CFAP299: variants seen among roughly 807,000 people sequenced by gnomAD.
The protein encoded by CFAP299 is cilia and flagella associated protein 299.
CFAP299 carries 21 observed loss-of-function variants against 27.0 expected under a neutral mutation model. The ratio of observed to expected loss-of-function variants is 0.78; its 90% confidence interval spans 0.55 to 1.12. CFAP299 has a LOEUF of 1.12. Ranked by LOEUF, CFAP299 falls within the 50% of genes most tolerant of loss-of-function variation. CFAP299 has a pLI of 0.00. For missense variants in CFAP299, 310 were observed against 276.6 expected (o/e 1.12, Z -0.86); for synonymous variants, 104 against 98.1 (o/e 1.06, Z -0.36).
intron 2 of CFAP299, among the ~76,000 whole-genome samples, chr4:80,491,031 T>C (rs1344699316): frequency 6.6e-6 from 1 of 151,800 alleles, no homozygotes. Context: ...TGAAAAAAAA[T>C]GAACATTTTA....
intron 2 of CFAP299, among the ~76,000 whole-genome samples, chr4:80,370,938 T>G (rs1466745311): frequency 6.6e-6 from 1 of 152,242 alleles, no homozygotes; most frequent in African/African-American, 2.4e-5. Context: ...TAACTCCACA[T>G]TTCCCTTCCT....
intron 3 of CFAP299, among the ~76,000 whole-genome samples, chr4:80,772,719 C>T (rs1422606628): frequency 7.9e-5 from 12 of 151,986 alleles, no homozygotes; most frequent in Admixed American, 7.2e-4. Context: ...CTCTTGCCCT[C>T]CGCCTCCCAA....
chr4:80,883,078 AT>A (rs1733790462), intron 4 of CFAP299, among the ~76,000 whole-genome samples: 3 of 151,722 alleles, frequency 2.0e-5, no homozygotes, highest in Non-Finnish European at 4.4e-5. Flanking sequence ...ATGCATAACA[AT>A]ATAACTACAA....
chr4:80,325,071 C>T, the CFAP299 span, among the ~76,000 whole-genome samples: 10 of 152,324 alleles, frequency 6.6e-5, no homozygotes, highest in Non-Finnish European at 1.3e-4. Flanking sequence ...TGCAGTGAGC[C>T]AAGATCATGG....
chr4:80,639,521 G>A (rs1294142097), intron 3 of CFAP299, among the ~76,000 whole-genome samples: 3 of 152,146 alleles, frequency 2.0e-5, no homozygotes. Flanking sequence ...GACAGTGACA[G>A]AAAATCATTA....
intron 3 of CFAP299, among the ~76,000 whole-genome samples, chr4:80,696,608 T>A (rs1371409307): frequency 6.6e-6 from 1 of 152,038 alleles, no homozygotes. Flanking sequence ...AACACATAAG[T>A]TTTTTAAAAA....
chr4:80,805,179 A>G (rs1454467050), intron 3 of CFAP299, among the ~76,000 whole-genome samples: 1 of 152,080 alleles, frequency 6.6e-6, no homozygotes, highest in Non-Finnish European at 1.5e-5. Flanking sequence ...ATAAATCAGG[A>G]AGAAATATTT....
chr4:80,405,537 T>C (rs1726371663), intron 2 of CFAP299, among the ~76,000 whole-genome samples: 2 of 152,168 alleles, frequency 1.3e-5, no homozygotes, highest in African/African-American at 4.8e-5. Context: ...ATAATGCTTA[T>C]GTTCTTTCAA....
chr4:80,508,189 T>C (rs1732125441), intron 2 of CFAP299, among the ~76,000 whole-genome samples: 1 of 152,230 alleles, frequency 6.6e-6, no homozygotes, highest in Non-Finnish European at 1.5e-5. Context: ...ATCTGCTATG[T>C]TTTTGATTTT....
intron 3 of CFAP299, among the ~76,000 whole-genome samples, chr4:80,740,248 T>C (rs1440554360): frequency 2.6e-5 from 4 of 152,174 alleles, no homozygotes; most frequent in Admixed American, 2.6e-4. Context: ...ATTGAAAAGT[T>C]AGGTATTTGT....
At chr4:80,842,458 T>C (rs1490838036) in intron 3 of CFAP299, among the ~76,000 whole-genome samples, 1 of 152,140 alleles carries the variant, frequency 6.6e-6, no homozygotes, top group African/African-American at 2.4e-5. Flanking sequence ...AGAAAATTAC[T>C]TAACGCCTCT....
At chr4:80,442,012 C>A (rs1322481445) in intron 2 of CFAP299, among the ~76,000 whole-genome samples, 1 of 152,052 alleles carries the variant, frequency 6.6e-6, no homozygotes, top group Non-Finnish European at 1.5e-5. Context: ...GCTAACTATC[C>A]TAAATATATA....
chr4:80,536,957 C>T (rs1035476483), intron 2 of CFAP299, among the ~76,000 whole-genome samples: 2 of 151,982 alleles, frequency 1.3e-5, no homozygotes, highest in African/African-American at 4.8e-5. Flanking sequence ...AACCATACAT[C>T]TGACAAAGGA....
chr4:80,738,255 G>A (rs2110061992), intron 3 of CFAP299, among the ~76,000 whole-genome samples: 1 of 152,238 alleles, frequency 6.6e-6, no homozygotes, highest in South Asian at 2.1e-4. Flanking sequence ...TTGTTCTATA[G>A]TAAAGATAGT....
intron 4 of CFAP299, among the ~76,000 whole-genome samples, chr4:80,894,580 A>G (rs960141165): frequency 6.6e-6 from 1 of 152,024 alleles, no homozygotes; most frequent in African/African-American, 2.4e-5. Flanking sequence ...CTTTTGTGCA[A>G]TATTGGTGGG....
At chr4:80,664,375 G>C (rs920114645) in intron 3 of CFAP299, among the ~76,000 whole-genome samples, 21 of 152,160 alleles carry the variant, frequency 1.4e-4, no homozygotes, top group African/African-American at 4.1e-4. Flanking sequence ...CTCTCAGGGA[G>C]AGAGGATCTT....
intron 3 of CFAP299, among the ~76,000 whole-genome samples, chr4:80,656,384 G>A (rs1306420918): frequency 6.6e-6 from 1 of 151,642 alleles, no homozygotes; most frequent in Non-Finnish European, 1.5e-5. Flanking sequence ...TAGTGCCCCA[G>A]CCCCCGACAG....
chr4:80,535,349 G>GCCATGTTTCTGGATGGATAAATAAA (rs1560612289), intron 2 of CFAP299, among the ~76,000 whole-genome samples: 7 of 72,718 alleles, frequency 9.6e-5, no homozygotes, highest in South Asian at 5.6e-4. Flanking sequence ...GCTTCAATTA[G>GCCATGTTTCTGGATGGATAAATAAA]CCGGGCGTAG....
At chr4:80,634,125 A>G (rs1407335093) in intron 3 of CFAP299, among the ~76,000 whole-genome samples, 1 of 151,560 alleles carries the variant, frequency 6.6e-6, no homozygotes, top group Non-Finnish European at 1.5e-5. Flanking sequence ...CAGGGACTAC[A>G]GTGTGCACCA....
Sources: gnomAD v4.1 joint callset for allele counts (sites outside exome capture counted in the v4.1 genomes callset) on GRCh38, gnomAD v4.1.1 for gene constraint, MANE v1.5 for transcripts, NCBI Gene and HGNC (gene_info 2026-07-23, HGNC 2026-07-21) for gene names.